PDE10A: variants seen among roughly 807,000 people sequenced by gnomAD.
PDE10A encodes the protein phosphodiesterase 10A.
Under a neutral mutation model 97.7 loss-of-function variants are expected in PDE10A, and 39 were observed. The ratio of observed to expected loss-of-function variants is 0.40; its 90% CI spans 0.31 to 0.52. The LOEUF (loss-of-function observed/expected upper bound fraction) is 0.52. Among genes scored for constraint, PDE10A ranks in the 20% least tolerant of loss-of-function variants. PDE10A has a pLI of 0.56. For synonymous variants in PDE10A, 371 were observed against 376.8 expected (o/e 0.98, Z 0.18); for missense variants, 731 against 1,047.8 (o/e 0.70, Z 4.17).
intron 2 of PDE10A, among the ~76,000 whole-genome samples, chr6:165,525,663 C>T (rs1479786180): frequency 6.6e-6 from 1 of 152,160 alleles, no homozygotes; most frequent in Non-Finnish European, 1.5e-5. Context: ...ACAGCGGGAA[C>T]CACAGTCACT....
intron 1 of PDE10A, among the ~76,000 whole-genome samples, chr6:165,829,887 A>C (rs1779861702): frequency 6.6e-6 from 1 of 152,192 alleles, no homozygotes; most frequent in African/African-American, 2.4e-5. Flanking sequence ...GCTGCCAGGG[A>C]ACAGCACCAG....
intron 1 of PDE10A, among the ~76,000 whole-genome samples, chr6:165,625,918 G>A (rs778979909): frequency 7.2e-5 from 11 of 152,156 alleles, no homozygotes; most frequent in African/African-American, 1.4e-4. Flanking sequence ...TATATGATTC[G>A]TTGCGTTCGG....
At chr6:165,610,530 C>CAAAAA (rs201763144) in intron 1 of PDE10A, among the ~76,000 whole-genome samples, 2 of 55,068 alleles carry the variant, frequency 3.6e-5, no homozygotes, top group Non-Finnish European at 7.7e-5. Context: ...GACTCCGTCT[C>CAAAAA]AAAAAAAAAA....
intron 1 of PDE10A, among the ~76,000 whole-genome samples, chr6:165,629,021 T>C (rs1269967952): frequency 1.3e-5 from 2 of 152,196 alleles, no homozygotes; most frequent in African/African-American, 4.8e-5. Flanking sequence ...ATGGGTTTTT[T>C]TTTTAATACA....
intron 5 of PDE10A, among the ~76,000 whole-genome samples, chr6:165,443,165 T>C (rs1790598764): frequency 7.0e-6 from 1 of 143,250 alleles, no homozygotes; most frequent in Non-Finnish European, 1.5e-5. Context: ...TCTGAGACAA[T>C]GCAAGGCCCT....
At chr6:165,788,556 GA>G (rs1157373494) in intron 1 of PDE10A, among the ~76,000 whole-genome samples, 15 of 114,074 alleles carry the variant, frequency 1.3e-4, no homozygotes, top group South Asian at 5.9e-4. Context: ...AAAAGAAAAA[GA>G]AAAAAAAAAG....
chr6:165,472,015 A>G (rs1211620414), intron 3 of PDE10A, among the ~76,000 whole-genome samples: 4 of 152,132 alleles, frequency 2.6e-5, no homozygotes, highest in Non-Finnish European at 5.9e-5. Flanking sequence ...TTATTTTCCT[A>G]GCTTTAAATA....
At chr6:165,361,250 T>C (rs1292872191) in intron 18 of PDE10A, among the ~76,000 whole-genome samples, 4 of 152,142 alleles carry the variant, frequency 2.6e-5, no homozygotes, top group African/African-American at 9.7e-5. Flanking sequence ...CCACAGAATA[T>C]ATATTCTTTT....
At chr6:165,441,245 T>C (rs1342883716) in intron 5 of PDE10A, among the ~76,000 whole-genome samples, 1 of 152,196 alleles carries the variant, frequency 6.6e-6, no homozygotes, top group African/African-American at 2.4e-5. Context: ...CCCATCGAAT[T>C]CATGGTCACA....
In PDE10A at chr6:165,388,171, G is replaced by T. The variant is rs1785435040; in HGVS notation, c.2610+127C>A. On this transcript the variant is annotated intron_variant, in intron 17 of 21. Transcript: ENST00000539869. The surrounding 1 kb of genome is among the most constrained non-coding windows in gnomAD (Gnocchi z 4.0). ...ATTTAATGATGACTATAAATATAAG[G>T]TTCTACAATAAAAAGTAGCTGTTGC... is the stretch of plus-strand genomic sequence containing the variant. 2.7e-6 allele frequency: 2 copies of T among 742,052 alleles called. No homozygotes were observed. Among genetic ancestry groups the T allele is most frequent in the Non-Finnish European group, 4.6e-6 (2 of 439,410 alleles). 46.0% of individuals were successfully genotyped at this position (742,052 alleles called of 1,614,324 possible). A position where few individuals can be genotyped will look rare whatever the true frequency, so the allele number is the denominator to read the frequency against.
intron 1 of PDE10A, among the ~76,000 whole-genome samples, chr6:165,642,201 T>C (rs1017988856): frequency 2.0e-5 from 3 of 152,288 alleles, no homozygotes; most frequent in African/African-American, 2.4e-5. Context: ...CCCACATCCA[T>C]AGGGGCTAAC....
At chr6:165,438,981 T>C (rs1239961235) in intron 5 of PDE10A, among the ~76,000 whole-genome samples, 1 of 149,802 alleles carries the variant, frequency 6.7e-6, no homozygotes, top group East Asian at 2.0e-4. Context: ...AAAAGATATA[T>C]ACTTTGCATT....
chr6:165,562,536 ATTT>A (rs569372558), intron 1 of PDE10A, among the ~76,000 whole-genome samples: 1 of 151,548 alleles, frequency 6.6e-6, no homozygotes, highest in Admixed American at 6.6e-5. Context: ...ATGTTTGATT[ATTT>A]TTTTTTGTTT....
chr6:165,630,806 G>C lies in PDE10A; in HGVS notation c.865+31141C>G, dbSNP rs75119946. On this transcript the variant is annotated intron_variant, in intron 1 of 21. Coordinates refer to ENST00000539869, the MANE Select transcript of PDE10A (RefSeq NM_001385079.1). ...GATGGCAGCCTGGAAAAAGATCAAA[G>C]GTCTAAGCCCTTTTGACTTACTCAG... Among the ~76,000 whole-genome samples, 213 of 152,188 alleles carry C rather than the reference G, an allele frequency of 1.4e-3. 4 individuals are homozygous for C. In the East Asian group the frequency reaches 0.037, roughly 26 times the overall value.
chr6:165,790,633 G>T (rs1200777385), intron 1 of PDE10A, among the ~76,000 whole-genome samples: 2 of 152,016 alleles, frequency 1.3e-5, no homozygotes, highest in Non-Finnish European at 2.9e-5. Context: ...GATGGCTCTG[G>T]GGATGTTTCC....
At chr6:165,499,293 C>T (rs1397250759) in intron 2 of PDE10A, among the ~76,000 whole-genome samples, 2 of 152,176 alleles carry the variant, frequency 1.3e-5, no homozygotes, top group Non-Finnish European at 2.9e-5. Flanking sequence ...ACACTTACAT[C>T]TCCAGAAGGA....
intron 1 of PDE10A, among the ~76,000 whole-genome samples, chr6:165,784,214 C>G (rs1204472341): frequency 6.8e-6 from 1 of 147,556 alleles, no homozygotes; most frequent in African/African-American, 2.6e-5. Flanking sequence ...CAATGCGAGA[C>G]TCCATCTCAA....
intron 18 of PDE10A, among the ~76,000 whole-genome samples, chr6:165,356,317 G>T (rs922373338): frequency 1.3e-5 from 2 of 152,138 alleles, no homozygotes; most frequent in Admixed American, 1.3e-4. Flanking sequence ...ACACCACCCT[G>T]GTTTTACCTT....
At chr6:165,597,466 C>T (rs1158166657) in intron 1 of PDE10A, among the ~76,000 whole-genome samples, 2 of 152,120 alleles carry the variant, frequency 1.3e-5, no homozygotes, top group Non-Finnish European at 2.9e-5. Context: ...CAAGCATTTT[C>T]CTATGTAAAA....
Sources: gnomAD v4.1 joint callset for allele counts (sites outside exome capture counted in the v4.1 genomes callset) on GRCh38, gnomAD v4.1.1 for gene constraint, Gnocchi (gnomAD v3.1) non-coding constraint, MANE v1.5 for transcripts, NCBI Gene and HGNC (gene_info 2026-07-23, HGNC 2026-07-21) for gene names.